The following ZNF804A variants were observed in gnomAD, a reference collection of about 807,000 sequenced individuals.
The protein encoded by ZNF804A is zinc finger protein 804A.
ZNF804A carries 2 observed loss-of-function variants against 16.5 expected under a neutral mutation model. That is an observed-to-expected ratio of 0.12 (90% CI 0.05 to 0.38). ZNF804A has a LOEUF of 0.38. ZNF804A is among the 10% of genes least tolerant of loss of function. The pLI, the probability that ZNF804A is intolerant of heterozygous loss-of-function variation, is 0.99. For missense variants in ZNF804A, 1,473 were observed against 1,390.7 expected (o/e 1.06, Z -0.94); for synonymous variants, 534 against 489.6 (o/e 1.09, Z -1.20).
intron 1 of ZNF804A, among the ~76,000 whole-genome samples, chr2:184,637,120 G>T (rs1170164657): frequency 6.6e-6 from 1 of 152,034 alleles, no homozygotes; most frequent in Non-Finnish European, 1.5e-5. Context: ...ATTTTTAATT[G>T]CAGTGGATTG....
intron 1 of ZNF804A, among the ~76,000 whole-genome samples, chr2:184,681,220 C>T (rs1462196571): frequency 1.3e-5 from 2 of 152,118 alleles, no homozygotes; most frequent in East Asian, 3.9e-4. Context: ...CACAGAGGTT[C>T]CCAGATGGAA....
chr2:184,900,198 G>T (rs1269040039), intron 2 of ZNF804A, among the ~76,000 whole-genome samples: 1 of 152,046 alleles, frequency 6.6e-6, no homozygotes, highest in Non-Finnish European at 1.5e-5. Context: ...TATCCTGCTA[G>T]CTTTGCTCAT....
chr2:184,601,306 A>G (rs910768365), intron 1 of ZNF804A, among the ~76,000 whole-genome samples: 2 of 152,054 alleles, frequency 1.3e-5, no homozygotes, highest in Admixed American at 6.5e-5. Context: ...AATGATTTCA[A>G]TTTTAAAAAG....
intron 1 of ZNF804A, among the ~76,000 whole-genome samples, chr2:184,717,523 A>G (rs1693233306): frequency 6.6e-6 from 1 of 152,192 alleles, no homozygotes; most frequent in African/African-American, 2.4e-5. Flanking sequence ...AATACAAGAT[A>G]GGAGAGAAGA....
rs10689377 is a variant in ZNF804A at position 184,599,088 on chromosome 2, C to CCT, written c.111+32_111+33dup. The CCT allele has an allele frequency of 0.32, 437,913 of 1,362,360 alleles. 45,854 individuals carry two copies. The highest frequency in any genetic ancestry group is 0.42 in the African/African-American group (29,043 of 68,728). The allele number at this position is 1,362,360 out of a possible 1,614,324, so 84.4% of individuals were successfully genotyped here. A position where few individuals can be genotyped will look rare whatever the true frequency, so the allele number is the denominator to read the frequency against. ...AAACTCTGGTAATCGCTTCTGTTTT[C>CCT]CTCTCTCTCTCTCTCATATTTAAGA... On this transcript the variant is annotated intron_variant, in intron 1 of 3. Coordinates refer to ENST00000302277, the MANE Select transcript of ZNF804A (RefSeq NM_194250.2).
At chr2:184,742,499 C>A (rs973323496) in intron 1 of ZNF804A, among the ~76,000 whole-genome samples, 1 of 151,776 alleles carries the variant, frequency 6.6e-6, no homozygotes, top group Non-Finnish European at 1.5e-5. Context: ...CAACCTATCA[C>A]CTGATAGAAA....
chr2:184,839,954 T>C (rs1695410326), intron 1 of ZNF804A, among the ~76,000 whole-genome samples: 1 of 152,148 alleles, frequency 6.6e-6, no homozygotes, highest in African/African-American at 2.4e-5. Flanking sequence ...GATTGAGGTG[T>C]CCATGAACTT....
intron 1 of ZNF804A, among the ~76,000 whole-genome samples, chr2:184,656,099 T>C (rs916699244): frequency 6.6e-6 from 1 of 152,190 alleles, no homozygotes; most frequent in Non-Finnish European, 1.5e-5. Flanking sequence ...TGAATTTTAA[T>C]GTGTTCTGTC....
At chr2:184,669,546 C>A (rs1448960230) in intron 1 of ZNF804A, among the ~76,000 whole-genome samples, 4 of 152,002 alleles carry the variant, frequency 2.6e-5, no homozygotes, top group African/African-American at 9.7e-5. Flanking sequence ...TTCTTTGCCA[C>A]CCTGGTTCTT....
intron 1 of ZNF804A, among the ~76,000 whole-genome samples, chr2:184,640,317 G>C (rs1216340731): frequency 6.6e-6 from 1 of 151,888 alleles, no homozygotes; most frequent in African/African-American, 2.4e-5. Context: ...TTATTAAAAT[G>C]TTATACTTTT....
chr2:184,717,664 T>A (rs1192115643), intron 1 of ZNF804A, among the ~76,000 whole-genome samples: 2 of 152,212 alleles, frequency 1.3e-5, no homozygotes, highest in African/African-American at 4.8e-5. Context: ...ATACTCATAA[T>A]TATATGTATT....
intron 1 of ZNF804A, among the ~76,000 whole-genome samples, chr2:184,691,022 G>A (rs1692716875): frequency 1.3e-5 from 2 of 151,918 alleles, no homozygotes; most frequent in South Asian, 4.1e-4. Context: ...AACTTATAAA[G>A]AAGACATATT....
chr2:184,840,630 CAG>C lies in ZNF804A; in HGVS notation c.112-25737_112-25736del, dbSNP rs367588948. Among the ~76,000 whole-genome samples the C allele has an allele frequency of 3.2e-3, 483 of 152,136 alleles. 5 individuals carry two copies. The highest frequency in any genetic ancestry group is 0.011 in the African/African-American group (460 of 41,538). On this transcript the variant is annotated intron_variant, in intron 1 of 3. Transcript: ENST00000302277. ...TTCTTTTAGTAAAAGCAAAACAAAA[CAG>C]AAATATTTACTGACCCCCTTATTTA... is the stretch of plus-strand genomic sequence containing the variant.
chr2:184,614,052 A>AACCAAAACAGCATGGTACTGGT (rs1420606134), intron 1 of ZNF804A, among the ~76,000 whole-genome samples: 1 of 152,216 alleles, frequency 6.6e-6, no homozygotes, highest in African/African-American at 2.4e-5. Flanking sequence ...AGACTACAGT[A>AACCAAAACAGCATGGTACTGGT]ACCAAAACAG....
Position 184,815,255 on chromosome 2 carries a change from A to C in ZNF804A, c.112-51114A>C, listed in dbSNP as rs77630203. Reference sequence around the variant, plus strand: ...TACCGATAGATGCTGTTAAAAAAAAACATAAAATAATTATCAAATCCATAC... The same window carrying C: ...TACCGATAGATGCTGTTAAAAAAAACCATAAAATAATTATCAAATCCATAC... On this transcript the variant is annotated intron_variant, in intron 1 of 3. Transcript: ENST00000302277. 4.8e-4 allele frequency among the ~76,000 whole-genome samples: 73 copies of C among 152,096 alleles called. No homozygotes were observed. The East Asian group carries it at 8.9e-3, about 19-fold the overall frequency.
intron 2 of ZNF804A, among the ~76,000 whole-genome samples, chr2:184,893,246 A>G (rs1221445683): frequency 6.6e-6 from 1 of 152,096 alleles, no homozygotes; most frequent in Non-Finnish European, 1.5e-5. Context: ...GCTCCCTGAT[A>G]TATGAAAAAT....
At chr2:184,756,435 G>A (rs1041116206) in intron 1 of ZNF804A, among the ~76,000 whole-genome samples, 10 of 151,702 alleles carry the variant, frequency 6.6e-5, no homozygotes, top group Non-Finnish European at 1.3e-4. Flanking sequence ...AGAATTTTGA[G>A]TTTTCACTTA....
At chr2:184,893,354 G>C (rs1387514063) in intron 2 of ZNF804A, among the ~76,000 whole-genome samples, 1 of 151,892 alleles carries the variant, frequency 6.6e-6, no homozygotes, top group Non-Finnish European at 1.5e-5. Context: ...TTAATGCTTA[G>C]ATCATTATAG....
At chr2:184,756,516 G>A (rs902434102) in intron 1 of ZNF804A, among the ~76,000 whole-genome samples, 1 of 151,812 alleles carries the variant, frequency 6.6e-6, no homozygotes, top group African/African-American at 2.4e-5. Context: ...AATTTTATAG[G>A]TTTTAAAAGC....
Sources: allele counts gnomAD v4.1 joint callset (sites outside exome capture counted in the v4.1 genomes callset), GRCh38; gene constraint gnomAD v4.1.1; transcripts MANE v1.5; gene names NCBI Gene and HGNC (gene_info 2026-07-23, HGNC 2026-07-21).